Variants in LEMD3 observed in about 807,000 individuals in gnomAD.
LEMD3 encodes the protein LEM domain containing 3.
Under a neutral mutation model 95.2 loss-of-function variants are expected in LEMD3, and 33 were observed. The ratio of observed to expected loss-of-function variants is 0.35; its 90% CI spans 0.26 to 0.46. LEMD3 has a LOEUF of 0.46. LEMD3 is among the 20% of genes least tolerant of loss of function. LEMD3 has a pLI of 1.00. For synonymous variants in LEMD3, 525 were observed against 474.6 expected (o/e 1.11, Z -1.38); for missense variants, 1,210 against 1,192.8 (o/e 1.01, Z -0.21).
At chr12:65,218,450 C>A in intron 3 of LEMD3, 102 bp from the exon 4 acceptor site, 3 of 606,864 alleles carry the variant, frequency 4.9e-6, no homozygotes, top group Non-Finnish European at 8.7e-6. Context: ...AATAATATAA[C>A]CTGTAATTGT....
At chr12:65,207,482 C>G (rs1418094915) in intron 1 of LEMD3, among the ~76,000 whole-genome samples, 1 of 152,020 alleles carries the variant, frequency 6.6e-6, no homozygotes, top group South Asian at 2.1e-4. Flanking sequence ...GATTAGGCAT[C>G]CTTCATGGTG....
chr12:65,217,746 TC>T (rs1870152970), intron 3 of LEMD3, among the ~76,000 whole-genome samples: 1 of 152,222 alleles, frequency 6.6e-6, no homozygotes, highest in African/African-American at 2.4e-5. Flanking sequence ...TATGAGCACA[TC>T]CCTTTGTAGA....
chr12:65,240,792 C>A, intron 8 of LEMD3, 117 bp from the exon 9 acceptor site: 2 of 903,620 alleles, frequency 2.2e-6, no homozygotes, highest in Non-Finnish European at 3.5e-6. Context: ...CTTCTTTGAA[C>A]AAACTCCATG....
chr12:65,178,965 C>T (rs1012530196), intron 1 of LEMD3, among the ~76,000 whole-genome samples: 19 of 152,058 alleles, frequency 1.2e-4, no homozygotes, highest in Admixed American at 1.2e-3. Context: ...ATTCATTCAA[C>T]AATTATGAAT....
rs917686325 is a variant in LEMD3 at position 65,247,774 on chromosome 12, ACATGATGCACACTATT to A, written c.*1451_*1466del. 1 of 152,572 alleles carries A rather than the reference ACATGATGCACACTATT, an allele frequency of 6.6e-6. No homozygotes were observed. The highest frequency in any genetic ancestry group is 2.4e-5 in the African/African-American group (1 of 41,430). The allele number at this position is 152,572 out of a possible 1,614,324, so 9.5% of individuals were successfully genotyped here. A position where few individuals can be genotyped will look rare whatever the true frequency, so the allele number is the denominator to read the frequency against. ...TAATGCACGTTTTCTGGTTAAGTAA[ACATGATGCACACTATT>A]CTGTAACAGAAAGCCCTATTGTGCC... On this transcript the variant is annotated 3_prime_UTR_variant, in exon 13 of 13. Transcript: ENST00000308330.
intron 4 of LEMD3, among the ~76,000 whole-genome samples, chr12:65,236,610 A>T (rs1870780637): frequency 6.6e-6 from 1 of 152,114 alleles, no homozygotes; most frequent in Admixed American, 6.5e-5. Flanking sequence ...TAATAATACA[A>T]GCTCCATGAA....
intron 1 of LEMD3, among the ~76,000 whole-genome samples, chr12:65,191,616 C>T (rs1050931276): frequency 6.6e-6 from 1 of 152,006 alleles, no homozygotes; most frequent in African/African-American, 2.4e-5. Flanking sequence ...CTGGAAACTA[C>T]CGAAGTTAGT....
At chr12:65,219,327 T>G (rs1432412747) in intron 4 of LEMD3, among the ~76,000 whole-genome samples, 1 of 152,206 alleles carries the variant, frequency 6.6e-6, no homozygotes. Flanking sequence ...TGGAAAATCT[T>G]AATGAAAGGT....
At chr12:65,199,917 GA>G (rs1318904014) in intron 1 of LEMD3, among the ~76,000 whole-genome samples, 1 of 151,998 alleles carries the variant, frequency 6.6e-6, no homozygotes, top group African/African-American at 2.4e-5. Context: ...TGAGGCAGGA[GA>G]ATAGCGTCTG....
intron 2 of LEMD3, among the ~76,000 whole-genome samples, chr12:65,213,202 A>G (rs930808101): frequency 6.6e-6 from 1 of 152,112 alleles, no homozygotes; most frequent in Admixed American, 6.5e-5. Context: ...TCTAGTATAT[A>G]GACGGTCATT....
intron 4 of LEMD3, among the ~76,000 whole-genome samples, chr12:65,229,140 A>G (rs531925935): frequency 3.9e-5 from 6 of 152,260 alleles, no homozygotes; most frequent in African/African-American, 1.4e-4. Flanking sequence ...GTGAGAATAT[A>G]TGGTATTTGT....
chr12:65,235,774 T>G (rs1050452542), intron 4 of LEMD3, among the ~76,000 whole-genome samples: 1 of 152,182 alleles, frequency 6.6e-6, no homozygotes, highest in Non-Finnish European at 1.5e-5. Context: ...AATTAAATGT[T>G]GTAGTTTTAT....
At chr12:65,204,921 C>T (rs764711743) in intron 1 of LEMD3, among the ~76,000 whole-genome samples, 1 of 152,080 alleles carries the variant, frequency 6.6e-6, no homozygotes, top group African/African-American at 2.4e-5. Context: ...CAGTTATAGT[C>T]TCTGTATTAG....
In LEMD3 at chr12:65,238,339, CT is replaced by C. The variant is rs917036550; in HGVS notation, c.1696-154del. Among the ~76,000 whole-genome samples, 30 of 151,372 alleles carry C rather than the reference CT, an allele frequency of 2.0e-4. 2 individuals are homozygous for C. Among genetic ancestry groups the C allele is most frequent in the African/African-American group, 4.6e-4 (19 of 41,268 alleles). On this transcript the variant is annotated intron_variant, in intron 4 of 12. Coordinates refer to ENST00000308330, the MANE Select transcript of LEMD3 (RefSeq NM_014319.5). Reference sequence around the variant, plus strand: ...TATTGGAGTAGTGGGAAAATGCTAACTTTTTTTTTCTTTTTTCTCATTCTTT... The same window carrying C: ...TATTGGAGTAGTGGGAAAATGCTAACTTTTTTTTCTTTTTTCTCATTCTTT...
At position 65,247,692 on chromosome 12, in the gene LEMD3, TCA is replaced by T. The variant is rs1467391621; in HGVS notation, c.*1368_*1369del. 2 of 152,580 alleles carry T rather than the reference TCA, an allele frequency of 1.3e-5. No homozygotes were observed. Among genetic ancestry groups the T allele is most frequent in the African/African-American group, 4.8e-5 (2 of 41,450 alleles). 9.5% of individuals were successfully genotyped at this position (152,580 alleles called of 1,614,324 possible). A position where few individuals can be genotyped will look rare whatever the true frequency, so the allele number is the denominator to read the frequency against. On this transcript the variant is annotated 3_prime_UTR_variant, in exon 13 of 13. Coordinates refer to ENST00000308330, the MANE Select transcript of LEMD3 (RefSeq NM_014319.5). Reference sequence around the variant, plus strand: ...TACAAATTTTGGTTGTATTTAAAGCTCAGTTTCCTTTTTGTTTTATTGTATGC... The same window carrying T: ...TACAAATTTTGGTTGTATTTAAAGCTGTTTCCTTTTTGTTTTATTGTATGC...
At position 65,170,482 on chromosome 12, in the gene LEMD3, C is replaced by T. The variant is rs757425587; in HGVS notation, c.886C>T (p.Pro296Ser). The change falls in exon 1 of 13, where the codon CCG becomes TCG. Residue 296 changes from proline to serine, a missense_variant. Physicochemically the swap from Pro to Ser is moderately conservative, Grantham distance 74. Coordinates refer to ENST00000308330, the MANE Select transcript of LEMD3 (RefSeq NM_014319.5). ...ACGAACCCATAGTAAGCCTCTCCCC[C>T]CGCTGACTGCTAAATCGGCCGGCGG... ...PRRTHSKPLP[P>S]LTAKSAGGRL... is the part of the protein sequence containing the mutation. 5 of 1,613,210 alleles carry T rather than the reference C, an allele frequency of 3.1e-6. No homozygotes were observed. The African/African-American group carries it at 5.4e-5, about 17-fold the overall frequency.
chr12:65,185,439 C>A (rs1266380752), intron 1 of LEMD3, among the ~76,000 whole-genome samples: 9 of 151,908 alleles, frequency 5.9e-5, no homozygotes, highest in Admixed American at 3.3e-4. Flanking sequence ...GTCTGAAGAC[C>A]TAATAAATAA....
At position 65,169,760 on chromosome 12, in the gene LEMD3, G is replaced by C; in HGVS notation, c.164G>C (p.Arg55Pro). ...KLREEEQQQH[R>P]SGGRGNKTRN... The stretch of plus-strand genomic sequence containing the variant: ...CGAGAGGAAGAGCAGCAACAGCACC[G>C]GTCAGGGGGCCGCGGCAACAAGACG... Residue 55 changes from arginine to proline, a missense_variant, in exon 1 of 13, where the codon CGG (arginine) becomes CCG (proline). By Grantham distance (103) the Arg-to-Pro change is moderately radical. Transcript: ENST00000308330. The C allele has an allele frequency of 6.3e-7, 1 of 1,587,962 alleles. No homozygotes were observed. Among genetic ancestry groups the C allele is most frequent in the Non-Finnish European group, 8.6e-7 (1 of 1,166,768 alleles).
intron 1 of LEMD3, among the ~76,000 whole-genome samples, chr12:65,208,019 G>C (rs1869817301): frequency 6.6e-6 from 1 of 152,098 alleles, no homozygotes; most frequent in South Asian, 2.1e-4. Flanking sequence ...AAGATAATTT[G>C]TTCCTTGCAA....
Sources: allele counts gnomAD v4.1 joint callset (sites outside exome capture counted in the v4.1 genomes callset), GRCh38; gene constraint gnomAD v4.1.1; transcripts MANE v1.5; gene names NCBI Gene and HGNC (gene_info 2026-07-23, HGNC 2026-07-21).